Variants in PRKCZ observed in about 807,000 individuals in gnomAD.
The protein encoded by PRKCZ is protein kinase C zeta type.
A neutral mutation model predicts 79.5 loss-of-function variants in PRKCZ; 33 were observed. The ratio of observed to expected loss-of-function variants is 0.41; its 90% confidence interval spans 0.31 to 0.55. The LOEUF (loss-of-function observed/expected upper bound fraction) is 0.55. Ranked by LOEUF, PRKCZ falls within the 20% of genes least tolerant of loss-of-function variation. The pLI is 0.19. For synonymous variants in PRKCZ, 342 were observed against 320.9 expected, an observed-to-expected ratio of 1.07 and a Z score of -0.70; for missense variants, 578 against 813.5, an observed-to-expected ratio of 0.71 and a Z score of 3.52.
rs554686450 is a variant in PRKCZ at position 2,165,910 on chromosome 1, C to T, written c.975-3608C>T. Reference sequence around the variant, plus strand: ...TTGTGAGCTTCCCTCAGCCCCCGGCCGCCCCCTAGGAGGTTTCGTGAGCTT... The same window carrying T: ...TTGTGAGCTTCCCTCAGCCCCCGGCTGCCCCCTAGGAGGTTTCGTGAGCTT... On this transcript the variant is annotated intron_variant, in intron 10 of 17. Transcript: ENST00000378567. The surrounding 1 kb of genome is among the most constrained non-coding windows in gnomAD (Gnocchi z 4.1). Among the ~76,000 whole-genome samples, 3 of 152,176 alleles carry T rather than the reference C, an allele frequency of 2.0e-5. No individual in the cohort carries two copies. Among genetic ancestry groups the T allele is most frequent in the Non-Finnish European group, 2.9e-5 (2 of 67,972 alleles).
intron 4 of PRKCZ, among the ~76,000 whole-genome samples, chr1:2,077,403 G>A (rs1301193041): frequency 3.3e-5 from 5 of 152,216 alleles, no homozygotes; most frequent in Non-Finnish European, 7.4e-5. Context: ...CAGCTCAGCC[G>A]CATCGTGGGC....
At chr1:2,072,384 C>A (rs116385370) in intron 4 of PRKCZ, among the ~76,000 whole-genome samples, 3,047 of 152,294 alleles carry the variant, frequency 0.02, 87 homozygotes, top group African/African-American at 0.07. Context: ...TTGAGAAGGT[C>A]GTTTATTACT....
intron 4 of PRKCZ, among the ~76,000 whole-genome samples, chr1:2,111,399 T>C (rs1265927633): frequency 6.8e-6 from 1 of 146,192 alleles, no homozygotes; most frequent in African/African-American, 2.5e-5. Context: ...CGAGAAGTGA[T>C]GGGCAGGATG....
intron 4 of PRKCZ, among the ~76,000 whole-genome samples, chr1:2,131,852 C>G (rs1466349299): frequency 6.6e-6 from 1 of 152,242 alleles, no homozygotes; most frequent in African/African-American, 2.4e-5. Flanking sequence ...CGCTCTGTCG[C>G]CCAGGCTGGA....
chr1:2,169,920 C>G (rs1211649600), intron 11 of PRKCZ, among the ~76,000 whole-genome samples: 2 of 151,958 alleles, frequency 1.3e-5, no homozygotes, highest in African/African-American at 4.8e-5. Context: ...TGTGACGTCC[C>G]CTGCATTGTG....
chr1:2,151,127 T>A, intron 9 of PRKCZ, 149 bp downstream of exon 9: 2 of 994,416 alleles, frequency 2.0e-6, no homozygotes, highest in Non-Finnish European at 1.4e-6. Flanking sequence ...CATCGTGTAA[T>A]GACCAGGATG....
At chr1:2,123,991 CGTGGTGGTTAGGGTCACG>C (rs1673203563) in intron 4 of PRKCZ, among the ~76,000 whole-genome samples, 1 of 8,228 alleles carries the variant, frequency 1.2e-4, no homozygotes, top group Non-Finnish European at 1.9e-4. Context: ...TGGTTAGGGT[CGTGGTGGTTAGGGTCACG>C]GTGGCGGTTA....
upstream of PRKCZ, among the ~76,000 whole-genome samples, chr1:2,048,537 A>T (rs1163939279): frequency 6.6e-6 from 1 of 151,352 alleles, no homozygotes; most frequent in African/African-American, 2.5e-5. Context: ...GGCAGCAAAG[A>T]GGCCTCGAGG....
intron 3 of PRKCZ, 123 bp downstream of exon 3, chr1:2,056,696 C>T: frequency 2.7e-6 from 2 of 734,066 alleles, no homozygotes; most frequent in Non-Finnish European, 4.2e-6. Flanking sequence ...TTAGGGATGT[C>T]TAATATAATG....
intron 4 of PRKCZ, among the ~76,000 whole-genome samples, chr1:2,090,651 A>G (rs1363842688): frequency 6.6e-6 from 1 of 152,160 alleles, no homozygotes; most frequent in Non-Finnish European, 1.5e-5. Context: ...TCGTCCTCCC[A>G]CAGCCGCGTG....
intron 4 of PRKCZ, among the ~76,000 whole-genome samples, chr1:2,076,255 G>A (rs1662396973): frequency 1.3e-5 from 2 of 152,014 alleles, no homozygotes; most frequent in South Asian, 2.1e-4. Context: ...GTCTCCTGGC[G>A]CCCACTCACT....
At chr1:2,136,988 CAAGACG>C (rs1676330504) in intron 5 of PRKCZ, among the ~76,000 whole-genome samples, 1 of 152,124 alleles carries the variant, frequency 6.6e-6, no homozygotes, top group Non-Finnish European at 1.5e-5. Flanking sequence ...CTCGGGCGCA[CAAGACG>C]AAGTCTTACG....
intron 4 of PRKCZ, among the ~76,000 whole-genome samples, chr1:2,101,217 C>T (rs376837227): frequency 3.3e-5 from 5 of 152,162 alleles, no homozygotes; most frequent in South Asian, 2.1e-4. Flanking sequence ...AAAGGTTTAA[C>T]TTCAAGGAGA....
intron 5 of PRKCZ, among the ~76,000 whole-genome samples, chr1:2,138,683 C>T (rs1436938482): frequency 6.6e-6 from 1 of 152,088 alleles, no homozygotes; most frequent in Non-Finnish European, 1.5e-5. Context: ...CGCCTGTAAT[C>T]CCAGCACTTT....
At position 2,118,622 on chromosome 1, in the gene PRKCZ, C is replaced by G. The variant is rs137891527; in HGVS notation, c.335-16640C>G. On this transcript the variant is annotated intron_variant, in intron 4 of 17. Coordinates refer to ENST00000378567, the MANE Select transcript of PRKCZ (RefSeq NM_002744.6). ...AAAGTGCTGGGATTACAGGCGTGAGCCACTGTGCCCGGCCAAATGTTGCTC... is the reference window on the plus strand; with the variant it reads ...AAAGTGCTGGGATTACAGGCGTGAGGCACTGTGCCCGGCCAAATGTTGCTC... 8.3e-3 allele frequency among the ~76,000 whole-genome samples: 1,269 copies of G among 152,134 alleles called. 9 individuals carry two copies. The highest frequency in any genetic ancestry group is 0.014 in the Non-Finnish European group (927 of 68,006).
intron 4 of PRKCZ, chr1:2,104,567 A>T (rs923416743): frequency 2.0e-6 from 1 of 507,050 alleles, no homozygotes; most frequent in African/African-American, 2.1e-5. Flanking sequence ...CTAAGAGGGG[A>T]GGCTGGGAGG....
intron 7 of PRKCZ, among the ~76,000 whole-genome samples, chr1:2,148,431 C>G (rs1162631275): frequency 6.6e-6 from 1 of 152,242 alleles, no homozygotes; most frequent in African/African-American, 2.4e-5. Flanking sequence ...ACCTCTCCAT[C>G]TATCCATCCA....
chr1:2,144,248 C>T lies in PRKCZ; in HGVS notation c.459C>T (p.Gly153=). Reference sequence around the variant, plus strand: ...GTCAGTGCAGCGAGAGGATATGGGGCCTCGCGAGGCAAGGCTACAGGTGCA... The same window carrying T: ...GTCAGTGCAGCGAGAGGATATGGGGTCTCGCGAGGCAAGGCTACAGGTGCA... ...YCGQCSERIW[G]LARQGYRCIN... is the part of the protein sequence containing the mutation. The change falls in exon 6 of 18, where the codon GGC becomes GGT. Residue 153 remains glycine, a synonymous_variant. Transcript: ENST00000378567. 2.6e-6 allele frequency: 4 copies of T among 1,554,722 alleles called. No individual in the cohort carries two copies. Among genetic ancestry groups the T allele is most frequent in the Non-Finnish European group, 2.6e-6 (3 of 1,148,256 alleles).
At chr1:2,154,493 G>A (rs537274244) in intron 9 of PRKCZ, among the ~76,000 whole-genome samples, 1 of 152,240 alleles carries the variant, frequency 6.6e-6, no homozygotes, top group African/African-American at 2.4e-5. Context: ...TTGTTTCCAC[G>A]AAACTTCCGG....
Sources: allele counts gnomAD v4.1 joint callset (sites outside exome capture counted in the v4.1 genomes callset), GRCh38; gene constraint gnomAD v4.1.1; non-coding constraint Gnocchi (gnomAD v3.1); transcripts MANE v1.5; gene names NCBI Gene and HGNC (gene_info 2026-07-23, HGNC 2026-07-21).